JAM3: variants seen among roughly 807,000 people sequenced by gnomAD.
JAM3 encodes the protein junctional adhesion molecule 3, also known as junctional adhesion molecule C.
Under a neutral mutation model 39.4 loss-of-function variants are expected in JAM3, and 31 were observed. That is an observed-to-expected ratio of 0.79 (90% CI 0.59 to 1.06). JAM3 has a LOEUF of 1.06. JAM3 is among the 50% of genes least tolerant of loss of function. JAM3 has a pLI of 0.00. For synonymous variants in JAM3, 182 were observed against 148.7 expected (o/e 1.22, Z -1.63); for missense variants, 455 against 391.4 (o/e 1.16, Z -1.37).
chr11:134,127,283 G>A (rs1246792111), intron 1 of JAM3, among the ~76,000 whole-genome samples: 6 of 152,234 alleles, frequency 3.9e-5, no homozygotes, highest in Non-Finnish European at 8.8e-5. Context: ...GTCTTGAAGA[G>A]TGACCCTAAG....
chr11:134,111,436 G>GA (rs1421754371), intron 1 of JAM3, among the ~76,000 whole-genome samples: 1 of 151,934 alleles, frequency 6.6e-6, no homozygotes, highest in East Asian at 1.9e-4. Context: ...AAATACCAGT[G>GA]AAAATCAAGG....
intron 1 of JAM3, among the ~76,000 whole-genome samples, chr11:134,111,518 G>T (rs182830417): frequency 6.6e-6 from 1 of 152,008 alleles, no homozygotes; most frequent in African/African-American, 2.4e-5. Flanking sequence ...GTGTTAAAGA[G>T]GAAGAAACTC....
intron 1 of JAM3, among the ~76,000 whole-genome samples, chr11:134,103,429 C>T (rs1163562075): frequency 7.2e-5 from 11 of 152,276 alleles, no homozygotes; most frequent in Non-Finnish European, 1.6e-4. Flanking sequence ...TAAAGACCAT[C>T]GATGCTAGGA....
intron 1 of JAM3, among the ~76,000 whole-genome samples, chr11:134,102,993 A>G (rs1241644789): frequency 6.6e-6 from 1 of 152,188 alleles, no homozygotes; most frequent in East Asian, 1.9e-4. Flanking sequence ...CAACATTCAA[A>G]TTCAGGAAAT....
intron 1 of JAM3, chr11:134,070,263 T>C (rs948484983): frequency 1.1e-5 from 5 of 455,382 alleles, no homozygotes; most frequent in Admixed American, 9.5e-5. Flanking sequence ...ACTCTTCCCC[T>C]GGCAGCCATC....
intron 1 of JAM3, among the ~76,000 whole-genome samples, chr11:134,085,531 C>T (rs1340071469): frequency 2.0e-5 from 3 of 152,162 alleles, no homozygotes; most frequent in Non-Finnish European, 2.9e-5. Context: ...TGTTCTCATT[C>T]TTAACAAACA....
chr11:134,094,366 G>T (rs1372386102), intron 1 of JAM3, among the ~76,000 whole-genome samples: 2 of 137,700 alleles, frequency 1.5e-5, no homozygotes, highest in Admixed American at 1.4e-4. Flanking sequence ...GTCACTTCCT[G>T]AGGGAAGCTT....
intron 3 of JAM3, 22 bp from the exon 4 acceptor site, chr11:134,144,219 G>A (rs1016830203): frequency 6.2e-7 from 1 of 1,613,990 alleles, no homozygotes; most frequent in Non-Finnish European, 8.5e-7. Flanking sequence ...AAGTTTTTTA[G>A]TGCCTCGTGT....
intron 1 of JAM3, among the ~76,000 whole-genome samples, chr11:134,079,050 A>G (rs1034450466): frequency 2.6e-5 from 4 of 152,138 alleles, no homozygotes; most frequent in South Asian, 2.1e-4. Flanking sequence ...AAAACAAAAC[A>G]GAATTATGAA....
chr11:134,144,142 C>T (rs1042120706), intron 3 of JAM3, 99 bp from the exon 4 acceptor site: 13 of 1,135,844 alleles, frequency 1.1e-5, no homozygotes, highest in East Asian at 2.4e-5. Context: ...CTGCAGGCTT[C>T]CTTGCTGTGG....
chr11:134,112,697 C>T (rs1055832056), intron 1 of JAM3, among the ~76,000 whole-genome samples: 4 of 152,164 alleles, frequency 2.6e-5, no homozygotes, highest in African/African-American at 9.7e-5. Flanking sequence ...CTCACTCACA[C>T]AGAGGTCACA....
intron 1 of JAM3, among the ~76,000 whole-genome samples, chr11:134,094,703 CA>C (rs1941944348): frequency 6.6e-6 from 1 of 152,218 alleles, no homozygotes; most frequent in Non-Finnish European, 1.5e-5. Flanking sequence ...TTCACACCCC[CA>C]TTATACACTT....
intron 1 of JAM3, among the ~76,000 whole-genome samples, chr11:134,130,780 A>G (rs912792498): frequency 6.6e-6 from 1 of 152,224 alleles, no homozygotes; most frequent in Non-Finnish European, 1.5e-5. Flanking sequence ...CAGAGCAGAC[A>G]TTATTTGCAA....
At chr11:134,132,803 T>A (rs894150647) in intron 1 of JAM3, among the ~76,000 whole-genome samples, 1 of 152,196 alleles carries the variant, frequency 6.6e-6, no homozygotes, top group African/African-American at 2.4e-5. Flanking sequence ...GGGGGCCTGC[T>A]AAGACTGGGC....
At chr11:134,101,228 T>G (rs1942066676) in intron 1 of JAM3, among the ~76,000 whole-genome samples, 1 of 152,274 alleles carries the variant, frequency 6.6e-6, no homozygotes. Flanking sequence ...GGCAAATTAA[T>G]GTGTTAACAT....
intron 1 of JAM3, among the ~76,000 whole-genome samples, chr11:134,090,808 A>C (rs1941834308): frequency 6.6e-6 from 1 of 151,730 alleles, no homozygotes; most frequent in Non-Finnish European, 1.5e-5. Context: ...AAATCTATTG[A>C]AATATTTGAA....
intron 1 of JAM3, among the ~76,000 whole-genome samples, chr11:134,134,398 C>CAAAAAAAAAAAAAAAAAAAAAAAAAACAA (rs34729848): frequency 3.1e-5 from 1 of 31,922 alleles, no homozygotes; most frequent in Non-Finnish European, 5.5e-5. Context: ...GGATAAATGC[C>CAAAAAAAAAAAAAAAAAAAAAAAAAACAA]AAAAAAAAAA....
intron 6 of JAM3, among the ~76,000 whole-genome samples, chr11:134,146,998 T>G (rs1324345758): frequency 6.6e-6 from 1 of 152,218 alleles, no homozygotes; most frequent in Non-Finnish European, 1.5e-5. Context: ...CTCAGACATA[T>G]GCTAGAAATG....
chr11:134,103,154 A>G (rs569301599), intron 1 of JAM3, among the ~76,000 whole-genome samples: 1 of 152,378 alleles, frequency 6.6e-6, no homozygotes, highest in East Asian at 1.9e-4. Context: ...TCAGACTAAC[A>G]GTGGATTTCT....
Sources: gnomAD v4.1 joint callset for allele counts (sites outside exome capture counted in the v4.1 genomes callset) on GRCh38, gnomAD v4.1.1 for gene constraint, MANE v1.5 for transcripts, NCBI Gene and HGNC (gene_info 2026-07-23, HGNC 2026-07-21) for gene names.